The following HYAL1 variants were observed in gnomAD, a reference collection of about 807,000 sequenced individuals.
The protein encoded by HYAL1 is hyaluronidase 1.
In HYAL1, 21 loss-of-function variants were observed where a neutral mutation model predicts 28.8. The ratio of observed to expected loss-of-function variants is 0.73; its 90% CI spans 0.52 to 1.05. HYAL1 has a LOEUF of 1.05. HYAL1 is among the 50% of genes least tolerant of loss of function. HYAL1 has a pLI of 0.00. For synonymous variants in HYAL1, 200 were observed against 230.1 expected, an observed-to-expected ratio of 0.87 and a Z score of 1.18; for missense variants, 491 against 579.2, an observed-to-expected ratio of 0.85 and a Z score of 1.56.
chr3:50,303,108 C>T lies in HYAL1; in HGVS notation c.-24-128G>A, dbSNP rs1187831823. On this transcript the variant is annotated intron_variant, in intron 1 of 3. Transcript: ENST00000395144. ...CTGGTTTCTGTTAAACATTGACCTG[C>T]AGGGCTCCAGGAGGGCAGGGGAGAC... 19 of 737,008 alleles carry T rather than the reference C, an allele frequency of 2.6e-5. No individual in the cohort carries two copies. In the African/African-American group the frequency reaches 2.8e-4, roughly 11 times the overall value. 45.7% of individuals were successfully genotyped at this position (737,008 alleles called of 1,614,324 possible).
chr3:50,312,028 C>T, intron 1 of HYAL1, among the ~76,000 whole-genome samples: 1 of 139,304 alleles, frequency 7.2e-6, no homozygotes, highest in Non-Finnish European at 1.6e-5. Context: ...GGCTGTCCCC[C>T]CCACCTCCCT....
chr3:50,309,170 A>C (rs587695995), intron 2 of HYAL1, among the ~76,000 whole-genome samples: 2 of 151,274 alleles, frequency 1.3e-5, no homozygotes, highest in African/African-American at 4.9e-5. Context: ...AAGTGCCATA[A>C]GAATCTGTTT....
chr3:50,306,904 C>A (rs1484950531), upstream of HYAL1, among the ~76,000 whole-genome samples: 3 of 149,962 alleles, frequency 2.0e-5, no homozygotes, highest in African/African-American at 7.5e-5. Flanking sequence ...ACAACAACAA[C>A]AACAAAAACA....
intron 1 of HYAL1, among the ~76,000 whole-genome samples, chr3:50,311,514 G>T (rs1377282668): frequency 7.5e-6 from 1 of 133,216 alleles, no homozygotes; most frequent in African/African-American, 2.8e-5. Flanking sequence ...TCCCAGTAGG[G>T]GCGGCCGGGC....
At chr3:50,304,296 A>AAAAAATCT (rs1553713686), upstream of HYAL1, among the ~76,000 whole-genome samples, 1 of 30,478 alleles carries the variant, frequency 3.3e-5, no homozygotes, top group Non-Finnish European at 6.1e-5. Flanking sequence ...AAAAAAAAAA[A>AAAAAATCT]ATATATATAT....
chr3:50,304,336 T>TATATATATATAC (rs1702293962), upstream of HYAL1, among the ~76,000 whole-genome samples: 1 of 103,838 alleles, frequency 9.6e-6, no homozygotes. Flanking sequence ...TATATATATA[T>TATATATATATAC]ATGGCTATAG....
chr3:50,303,305 CAGCCCCCAGGCTGACCCG>C (rs757332307), intron 1 of HYAL1, 143 bp downstream of exon 1: 42 of 204,314 alleles, frequency 2.1e-4, no homozygotes, highest in Non-Finnish European at 3.7e-4. Context: ...GCCAGGCCCT[CAGCCCCCAGGCTGACCCG>C]ACCAAGGGGG....
chr3:50,300,777 C>T lies in HYAL1; in HGVS notation c.1014G>A (p.Glu338=), dbSNP rs782799048. ...RTKESCQAIK[E]YMDTTLGPFI... Reference sequence around the variant, plus strand: ...AGGGCCCCAGTGTAGTGTCCATATACTCCTTGATGGCCTGACATGATTCCT... The same window carrying T: ...AGGGCCCCAGTGTAGTGTCCATATATTCCTTGATGGCCTGACATGATTCCT... Residue 338 remains glutamate, a synonymous_variant, in exon 4 of 4, where the codon GAG becomes GAA. Transcript: ENST00000395144. 1.9e-6 allele frequency: 3 copies of T among 1,613,988 alleles called. No homozygotes were observed. The East Asian group carries it at 6.7e-5, about 36-fold the overall frequency.
In HYAL1 at chr3:50,300,428, G is replaced by A; in HGVS notation, c.*55C>T. On this transcript the variant is annotated 3_prime_UTR_variant, in exon 4 of 4. Coordinates refer to ENST00000395144, the MANE Select transcript of HYAL1 (RefSeq NM_033159.4). ...CTGTGCATGTATTTGAGGAAGCCCT[G>A]GCCAGACCCAGAGTGCATTAGGTTC... is the stretch of plus-strand genomic sequence containing the variant. 1.9e-6 allele frequency: 3 copies of A among 1,575,774 alleles called. No individual in the cohort carries two copies. The highest frequency in any genetic ancestry group is 2.6e-6 in the Non-Finnish European group (3 of 1,145,752).
Position 50,300,793 on chromosome 3 carries a change from C to T in HYAL1, c.998G>A (p.Cys333Tyr), listed in dbSNP as rs782507471. The T allele has an allele frequency of 2.5e-6, 4 of 1,613,748 alleles. No individual in the cohort carries two copies. Among genetic ancestry groups the T allele is most frequent in the African/African-American group, 1.3e-5 (1 of 75,034 alleles). The change falls in exon 4 of 4, where the codon TGT becomes TAT. Residue 333 changes from cysteine to tyrosine, a missense_variant. Cys to Tyr is a radical substitution (Grantham distance 194). Coordinates refer to ENST00000395144, the MANE Select transcript of HYAL1 (RefSeq NM_033159.4). ...GTCCATATACTCCTTGATGGCCTGA[C>T]ATGATTCCTAGGTGGGAAGGGAGGA... ...SWENTRTKES[C>Y]QAIKEYMDTT...
chr3:50,301,148 G>C (rs1209242683), intron 2 of HYAL1, 71 bp from the exon 3 acceptor site: 1 of 1,021,584 alleles, frequency 9.8e-7, no homozygotes, highest in Non-Finnish European at 1.5e-6. Context: ...AACACCATTA[G>C]ATGGGACAAA....
At chr3:50,309,461 C>CAAAAAAAAAAA in intron 2 of HYAL1, among the ~76,000 whole-genome samples, 1 of 60,918 alleles carries the variant, frequency 1.6e-5, no homozygotes, top group Non-Finnish European at 3.8e-5. Context: ...CAGACTCCAC[C>CAAAAAAAAAAA]AAAAAAAAAA....
At chr3:50,304,976 T>C (rs1702307062), upstream of HYAL1, among the ~76,000 whole-genome samples, 1 of 152,330 alleles carries the variant, frequency 6.6e-6, no homozygotes, top group East Asian at 1.9e-4. Context: ...ACTTGTTCAA[T>C]ATGTGAAAGG....
upstream of HYAL1, among the ~76,000 whole-genome samples, chr3:50,304,296 A>AAAATATATATAT (rs1553713686): frequency 3.3e-5 from 1 of 30,480 alleles, no homozygotes; most frequent in Non-Finnish European, 6.1e-5. Flanking sequence ...AAAAAAAAAA[A>AAAATATATATAT]ATATATATAT....
chr3:50,307,878 C>G (rs1553714219), upstream of HYAL1, among the ~76,000 whole-genome samples: 1 of 147,342 alleles, frequency 6.8e-6, no homozygotes, highest in Admixed American at 6.7e-5. Flanking sequence ...TCACTGCAAG[C>G]TTGCCTCCCG....
At chr3:50,304,291 AAAAAAATATATATATATATATATAT>A (rs1191288797), upstream of HYAL1, among the ~76,000 whole-genome samples, 3 of 60,126 alleles carry the variant, frequency 5.0e-5, 1 homozygote, top group East Asian at 4.0e-4. Context: ...AAAAAAAAAA[AAAAAAATATATATATATATATATAT>A]ATATATATAT....
upstream of HYAL1, among the ~76,000 whole-genome samples, chr3:50,305,410 A>AT (rs1429664100): frequency 6.7e-6 from 1 of 149,646 alleles, no homozygotes; most frequent in Non-Finnish European, 1.5e-5. Context: ...CGCCTGGCTA[A>AT]TTTTTTGTAT....
intron 1 of HYAL1, among the ~76,000 whole-genome samples, chr3:50,311,598 G>A (rs587627148): frequency 8.0e-5 from 11 of 138,022 alleles, no homozygotes; most frequent in East Asian, 5.0e-4. Flanking sequence ...CCTCCCGGAC[G>A]GGGCGGCTGG....
chr3:50,300,875 C>A, intron 3 of HYAL1, 75 bp from the exon 4 acceptor site: 1 of 1,554,352 alleles, frequency 6.4e-7, no homozygotes, highest in South Asian at 1.1e-5. Context: ...GAGGCACTCA[C>A]CTGCTGGTCA....
Sources: gnomAD v4.1 joint callset for allele counts (sites outside exome capture counted in the v4.1 genomes callset) on GRCh38, gnomAD v4.1.1 for gene constraint, MANE v1.5 for transcripts, NCBI Gene and HGNC (gene_info 2026-07-23, HGNC 2026-07-21) for gene names.